FOXP2: variants seen among roughly 807,000 people sequenced by gnomAD.
FOXP2 encodes forkhead box P2.
A neutral mutation model predicts 115.8 loss-of-function variants in FOXP2; 12 were observed. The observed-to-expected ratio is 0.10, with a 90% CI of 0.07 to 0.17. The LOEUF (loss-of-function observed/expected upper bound fraction) is 0.17, where lower values mean the gene tolerates loss of function less well. Ranked by LOEUF, FOXP2 falls within the 10% of genes least tolerant of loss-of-function variation. The pLI is 1.00. For synonymous variants in FOXP2, 328 were observed against 297.7 expected, an observed-to-expected ratio of 1.10 and a Z score of -1.05; for missense variants, 629 against 843.5, an observed-to-expected ratio of 0.75 and a Z score of 3.15.
chr7:114,517,472 C>G (rs184856295), intron 2 of FOXP2, among the ~76,000 whole-genome samples: 1 of 152,064 alleles, frequency 6.6e-6, no homozygotes, highest in South Asian at 2.1e-4. Context: ...AGTTTTTTAT[C>G]TACATTTACA....
intron 6 of FOXP2, among the ~76,000 whole-genome samples, chr7:114,637,591 A>T (rs2129330902): frequency 6.6e-6 from 1 of 152,288 alleles, no homozygotes; most frequent in Admixed American, 6.5e-5. Context: ...GACACTGGGG[A>T]TATAGCAGTG....
At chr7:114,407,684 A>G (rs758634066) in intron 2 of FOXP2, among the ~76,000 whole-genome samples, 3 of 152,164 alleles carry the variant, frequency 2.0e-5, no homozygotes, top group Non-Finnish European at 2.9e-5. Flanking sequence ...TCTAAAGCAT[A>G]TATTCTTATC....
intron 2 of FOXP2, among the ~76,000 whole-genome samples, chr7:114,492,283 G>C (rs201282718): frequency 0.011 from 1,706 of 151,876 alleles, 14 homozygotes; most frequent in Middle Eastern, 0.031. Context: ...TTTATTGCGT[G>C]TATTTGATTC....
At chr7:114,098,555 C>T (rs1463183721) in intron 1 of FOXP2, among the ~76,000 whole-genome samples, 1 of 152,092 alleles carries the variant, frequency 6.6e-6, no homozygotes, top group East Asian at 1.9e-4. Flanking sequence ...TATCTTACAC[C>T]AGATACAAAA....
intron 8 of FOXP2, among the ~76,000 whole-genome samples, chr7:114,648,332 T>C (rs1214776581): frequency 6.6e-6 from 1 of 152,062 alleles, no homozygotes; most frequent in Admixed American, 6.6e-5. Context: ...ACAGCTAACA[T>C]TTTGTATTTA....
intron 6 of FOXP2, among the ~76,000 whole-genome samples, chr7:114,637,886 G>T (rs1264535493): frequency 6.6e-6 from 1 of 152,066 alleles, no homozygotes; most frequent in African/African-American, 2.4e-5. Flanking sequence ...CTAATATAGG[G>T]ATAATAAGAG....
chr7:114,289,543 G>GT (rs1796544093), intron 2 of FOXP2, among the ~76,000 whole-genome samples: 1 of 151,938 alleles, frequency 6.6e-6, no homozygotes, highest in African/African-American at 2.4e-5. Flanking sequence ...GTAACAGGAT[G>GT]TTTATTTGTA....
At chr7:114,386,087 C>T (rs1274454645) in intron 2 of FOXP2, among the ~76,000 whole-genome samples, 3 of 152,220 alleles carry the variant, frequency 2.0e-5, no homozygotes, top group Non-Finnish European at 4.4e-5. Context: ...CAATGGGAGT[C>T]TCGCCGTATC....
chr7:114,309,198 G>C (rs1352367922), intron 2 of FOXP2, among the ~76,000 whole-genome samples: 3 of 152,094 alleles, frequency 2.0e-5, no homozygotes, highest in Admixed American at 2.0e-4. Flanking sequence ...AAAATACACT[G>C]GTTTCCTAAG....
chr7:114,500,932 T>C (rs1004032812), intron 2 of FOXP2, among the ~76,000 whole-genome samples: 3 of 152,182 alleles, frequency 2.0e-5, no homozygotes, highest in East Asian at 1.9e-4. Context: ...ATTTATCAGT[T>C]TTTTTATCCA....
At position 114,692,888 on chromosome 7, in the gene FOXP2, C is replaced by A. The variant is rs562855389; in HGVS notation, c.*2962C>A. ...TTCATTACTGTGTACTATGTTCATA[C>A]TTTGAATTCTCTGACGTTAGAAGTC... is the stretch of plus-strand genomic sequence containing the variant. On this transcript the variant is annotated 3_prime_UTR_variant, in exon 17 of 17. Transcript: ENST00000350908. 2 of 454,040 alleles carry A rather than the reference C, an allele frequency of 4.4e-6. No individual in the cohort carries two copies. The highest frequency in any genetic ancestry group is 2.0e-5 in the African/African-American group (1 of 50,094). The allele number at this position is 454,040 out of a possible 1,614,324, so 28.1% of individuals were successfully genotyped here.
At chr7:114,343,329 A>T (rs1017499208) in intron 2 of FOXP2, among the ~76,000 whole-genome samples, 1 of 151,602 alleles carries the variant, frequency 6.6e-6, no homozygotes, top group Non-Finnish European at 1.5e-5. Context: ...AAATAAAATT[A>T]TTTCATACTT....
chr7:114,108,730 G>T (rs1311049304), intron 1 of FOXP2, among the ~76,000 whole-genome samples: 1 of 151,812 alleles, frequency 6.6e-6, no homozygotes, highest in Non-Finnish European at 1.5e-5. Context: ...TTTATCTATT[G>T]AGATCATGTT....
intron 2 of FOXP2, among the ~76,000 whole-genome samples, chr7:114,402,797 T>C (rs1270947176): frequency 6.6e-6 from 1 of 151,908 alleles, no homozygotes; most frequent in African/African-American, 2.4e-5. Flanking sequence ...CGGATATTGA[T>C]TTTTGTTTGT....
At chr7:114,196,679 T>C (rs1010097117) in intron 1 of FOXP2, among the ~76,000 whole-genome samples, 2 of 152,172 alleles carry the variant, frequency 1.3e-5, no homozygotes, top group Non-Finnish European at 2.9e-5. Context: ...AATGCAAATT[T>C]TGGGGAGTCA....
At chr7:114,201,431 C>A (rs1405926905) in intron 1 of FOXP2, among the ~76,000 whole-genome samples, 1 of 152,124 alleles carries the variant, frequency 6.6e-6, no homozygotes, top group Non-Finnish European at 1.5e-5. Flanking sequence ...CACAACATCC[C>A]TGTCTGGGCA....
At chr7:114,086,355 C>T (rs753943246), upstream of FOXP2, 1 of 406,834 alleles carries the variant, frequency 2.5e-6, no homozygotes, top group South Asian at 1.7e-5. Flanking sequence ...CCGGCGCGTG[C>T]AGCTCCGCGG....
intron 1 of FOXP2, among the ~76,000 whole-genome samples, chr7:114,209,766 G>C (rs1455097626): frequency 6.6e-6 from 1 of 152,058 alleles, no homozygotes; most frequent in African/African-American, 2.4e-5. Context: ...CATTCTCCCT[G>C]TCTCTTTCAG....
chr7:114,650,135 G>A (rs1806159654), intron 8 of FOXP2, among the ~76,000 whole-genome samples: 1 of 151,928 alleles, frequency 6.6e-6, no homozygotes, highest in Non-Finnish European at 1.5e-5. Flanking sequence ...AATTGAATAG[G>A]GCTCTAAGAC....
Sources: gnomAD v4.1 joint callset for allele counts (sites outside exome capture counted in the v4.1 genomes callset) on GRCh38, gnomAD v4.1.1 for gene constraint, MANE v1.5 for transcripts, NCBI Gene and HGNC (gene_info 2026-07-23, HGNC 2026-07-21) for gene names.